The following FKBP6 variants were observed in gnomAD, a reference collection of about 807,000 sequenced individuals.
The protein encoded by FKBP6 is FKBP prolyl isomerase family member 6 (inactive), also known as inactive peptidyl-prolyl cis-trans isomerase FKBP6.
Under a neutral mutation model 41.7 loss-of-function variants are expected in FKBP6, and 29 were observed. The observed-to-expected ratio is 0.70, with a 90% confidence interval of 0.52 to 0.95. The LOEUF (loss-of-function observed/expected upper bound fraction) is 0.95. Ranked by LOEUF, FKBP6 falls within the 40% of genes least tolerant of loss-of-function variation. FKBP6 has a pLI of 0.00. For synonymous variants in FKBP6, 130 were observed against 165.1 expected (o/e 0.79, Z 1.63); for missense variants, 338 against 408.7 (o/e 0.83, Z 1.49).
chr7:73,343,425 A>G (rs1805251249), intron 8 of FKBP6, among the ~76,000 whole-genome samples: 1 of 151,998 alleles, frequency 6.6e-6, no homozygotes, highest in African/African-American at 2.4e-5. Flanking sequence ...GTGATGGTTG[A>G]TAGAGCTGGG....
Position 73,342,862 on chromosome 7 carries a change from C to T in FKBP6, c.949C>T (p.Pro317Ser). ...EKEMWHRMFA[P>S]CGDGSTAGES ...AGAAATGTGGCACCGCATGTTCGCG[C>T]CCTGTGGCGATGGTTCTACAGCAGG... Residue 317 changes from proline (P) to serine (S), a missense_variant, in exon 8 of 9, where the codon CCC (proline) becomes TCC (serine). Transcript: ENST00000252037. 6.2e-7 allele frequency: 1 copy of T among 1,614,056 alleles called. No homozygotes were observed. Among genetic ancestry groups the T allele is most frequent in the Non-Finnish European group, 8.5e-7 (1 of 1,179,862 alleles).
At chr7:73,351,763 G>A (rs1805497005) in intron 8 of FKBP6, among the ~76,000 whole-genome samples, 1 of 152,164 alleles carries the variant, frequency 6.6e-6, no homozygotes, top group Non-Finnish European at 1.5e-5. Context: ...TGCGGATGAG[G>A]TACGAATGAC....
intron 5 of FKBP6, among the ~76,000 whole-genome samples, chr7:73,333,334 C>G (rs1326514458): frequency 6.6e-6 from 1 of 151,988 alleles, no homozygotes; most frequent in Non-Finnish European, 1.5e-5. Flanking sequence ...CTCATATAGG[C>G]CAAATGTTGC....
Position 73,331,776 on chromosome 7 carries a change from G to C in FKBP6, c.588G>C (p.Arg196Ser). ...RFYDAKVRYK[R>S]ALLLLRRRSA... ...ATGATGCCAAAGTGAGATATAAAAG[G>C]GTGAGAATGCTTTGAAAGTTAAGTG... The change falls in exon 5 of 9, where the codon AGG (arginine) becomes AGC (serine). Residue 196 changes from arginine (R) to serine (S), a missense_variant and splice_region_variant. Arg to Ser is a moderately radical substitution (Grantham distance 110, BLOSUM62 -1). Around this residue, in one of 2 missense-constraint regions of FKBP6, gnomAD observed 239 missense variants for 250.1 expected, o/e 0.96. Coordinates refer to ENST00000252037, the MANE Select transcript of FKBP6 (RefSeq NM_003602.5). 1 of 1,613,648 alleles carries C rather than the reference G, an allele frequency of 6.2e-7. No individual in the cohort carries two copies. Among genetic ancestry groups the C allele is most frequent in the Non-Finnish European group, 8.5e-7 (1 of 1,179,600 alleles).
At chr7:73,355,080 G>A (rs974405557) in intron 8 of FKBP6, among the ~76,000 whole-genome samples, 2 of 152,170 alleles carry the variant, frequency 1.3e-5, no homozygotes, top group Admixed American at 6.5e-5. Flanking sequence ...ATTATGTTGT[G>A]CGATTATGGT....
chr7:73,341,346 A>G lies in FKBP6; in HGVS notation c.857A>G (p.Asn286Ser), dbSNP rs1805179743. 6.2e-7 allele frequency: 1 copy of G among 1,613,000 alleles called. No individual in the cohort carries two copies. The highest frequency in any genetic ancestry group is 8.5e-7 in the Non-Finnish European group (1 of 1,178,922). ...LVRAQKEQPF[N>S]HDINNELKKL... ...CGAGCCCAGAAGGAGCAACCCTTCA[A>G]TCATGACATCAATAATGAGCTGAAG... is the stretch of plus-strand genomic sequence containing the variant. The change falls in exon 7 of 9, where the codon AAT (asparagine) becomes AGT (serine). Residue 286 changes from asparagine to serine, a missense_variant. Physicochemically the swap from Asn to Ser is conservative, Grantham distance 46. Coordinates refer to ENST00000252037, the MANE Select transcript of FKBP6 (RefSeq NM_003602.5).
intron 5 of FKBP6, among the ~76,000 whole-genome samples, chr7:73,336,188 G>T (rs79771773): frequency 0.028 from 4,279 of 152,274 alleles, 87 homozygotes; most frequent in Non-Finnish European, 0.042. Context: ...AGATGATGAG[G>T]TCATGAAGAT....
At chr7:73,328,522 G>C (rs1344996980) in intron 1 of FKBP6, 37 bp downstream of exon 1, 1 of 1,556,126 alleles carries the variant, frequency 6.4e-7, no homozygotes, top group East Asian at 2.4e-5. Context: ...TAGACGCTGA[G>C]GGGTGGCCGG....
At chr7:73,355,032 TCTC>T (rs752641465) in intron 8 of FKBP6, among the ~76,000 whole-genome samples, 80 of 152,238 alleles carry the variant, frequency 5.3e-4, no homozygotes, top group Non-Finnish European at 1.0e-3. Flanking sequence ...TCCTCTGTCT[TCTC>T]TGTTACATTT....
intron 8 of FKBP6, among the ~76,000 whole-genome samples, chr7:73,357,451 G>A (rs556354672): frequency 6.6e-6 from 1 of 151,688 alleles, no homozygotes; most frequent in Admixed American, 6.6e-5. Flanking sequence ...GTAGAGATGG[G>A]GTTTAATCAT....
At chr7:73,334,033 T>C (rs1411331316) in intron 5 of FKBP6, among the ~76,000 whole-genome samples, 4 of 152,026 alleles carry the variant, frequency 2.6e-5, no homozygotes, top group African/African-American at 4.8e-5. Flanking sequence ...GATGGCATAA[T>C]TGCACTGCAG....
intron 7 of FKBP6, among the ~76,000 whole-genome samples, chr7:73,342,005 C>T (rs1166014913): frequency 2.6e-5 from 4 of 151,908 alleles, no homozygotes; most frequent in African/African-American, 9.7e-5. Flanking sequence ...GCGCTCTTCC[C>T]TGCGTGCTCC....
At chr7:73,338,565 C>T (rs1437675888) in intron 5 of FKBP6, among the ~76,000 whole-genome samples, 1 of 152,244 alleles carries the variant, frequency 6.6e-6, no homozygotes, top group East Asian at 1.9e-4. Flanking sequence ...CTGCTTCCTA[C>T]AGCAGCTGTA....
In FKBP6 at chr7:73,340,758, A is replaced by G. The variant is rs782373977; in HGVS notation, c.709A>G (p.Ile237Val). 15 of 1,614,090 alleles carry G rather than the reference A, an allele frequency of 9.3e-6. No homozygotes were observed. The Admixed American group carries it at 1.2e-4, about 13-fold the overall frequency. Residue 237 changes from isoleucine to valine, a missense_variant, in exon 6 of 9, where the codon ATA becomes GTA. By Grantham distance (29) the Ile-to-Val change is conservative. Transcript: ENST00000252037. ...ATACCTGAAGCTAGACCGACCCACCATAGCCCTGTGCTATGGAGAGCAGGC... is the reference window on the plus strand; with the variant it reads ...ATACCTGAAGCTAGACCGACCCACCGTAGCCCTGTGCTATGGAGAGCAGGC... ...FTYLKLDRPT[I>V]ALCYGEQALI...
chr7:73,353,422 C>A (rs1805544250), intron 8 of FKBP6, among the ~76,000 whole-genome samples: 1 of 152,230 alleles, frequency 6.6e-6, no homozygotes, highest in African/African-American at 2.4e-5. Context: ...TAACTCAGCA[C>A]TCTGCATCCT....
At position 73,328,699 on chromosome 7, in the gene FKBP6, C is replaced by A; in HGVS notation, c.175+7C>A. 3.1e-6 allele frequency: 5 copies of A among 1,611,854 alleles called. No homozygotes were observed. Among genetic ancestry groups the A allele is most frequent in the Non-Finnish European group, 4.2e-6 (5 of 1,179,814 alleles). On this transcript the variant is annotated splice_region_variant and intron_variant, in intron 2 of 8. Coordinates refer to ENST00000252037, the MANE Select transcript of FKBP6 (RefSeq NM_003602.5). ...CCTGATGCTTCGGTGCTAGGTACGC[C>A]CTGGGGCGGTTTGTCCTCAGGATCC...
chr7:73,342,984 C>T, intron 8 of FKBP6, 85 bp downstream of exon 8: 1 of 942,526 alleles, frequency 1.1e-6, no homozygotes, highest in Non-Finnish European at 1.8e-6. Context: ...TGGTGGCTGT[C>T]TGCAGCTGAG....
chr7:73,333,043 G>A (rs1056533291), intron 5 of FKBP6, among the ~76,000 whole-genome samples: 9 of 152,114 alleles, frequency 5.9e-5, no homozygotes, highest in African/African-American at 1.7e-4. Flanking sequence ...AGGCTGAGGC[G>A]AGTGGATAGC....
chr7:73,330,463 C>A, intron 4 of FKBP6, 111 bp downstream of exon 4: 1 of 837,412 alleles, frequency 1.2e-6, no homozygotes. Context: ...CTCCAGGGTA[C>A]CCCCGCGGCT....
Sources: allele counts gnomAD v4.1 joint callset (sites outside exome capture counted in the v4.1 genomes callset), GRCh38; gene constraint gnomAD v4.1.1; regional missense constraint gnomAD v4.1.1; transcripts MANE v1.5; gene names NCBI Gene and HGNC (gene_info 2026-07-23, HGNC 2026-07-21).